Variants in GXYLT1 observed in about 807,000 individuals in gnomAD.
GXYLT1 encodes glucoside xylosyltransferase 1, also known as glycosyltransferase 8 domain containing 3.
GXYLT1 carries 29 observed loss-of-function variants against 54.0 expected under a neutral mutation model. That is an observed-to-expected ratio of 0.54 (90% CI 0.40 to 0.73). GXYLT1 has a LOEUF of 0.73. Among genes scored for constraint, GXYLT1 ranks in the 30% least tolerant of loss-of-function variants. The probability of loss-of-function intolerance (pLI) is 0.00; values close to 1 mark genes in which losing one functional copy is unlikely to be tolerated. For missense variants in GXYLT1, 490 were observed against 553.4 expected, an observed-to-expected ratio of 0.89 and a Z score of 1.15; for synonymous variants, 176 against 204.1, an observed-to-expected ratio of 0.86 and a Z score of 1.17.
rs1015858340 is a variant in GXYLT1, at chr12:42,121,736, G to A, written c.315-2565C>T. Among the ~76,000 whole-genome samples the A allele has an allele frequency of 7.9e-5, 12 of 151,746 alleles. No homozygotes were observed. In the East Asian group the frequency reaches 2.3e-3, roughly 29 times the overall value. The stretch of plus-strand genomic sequence containing the variant: ...CAGCAAGGATTGTTTTGGTCACACT[G>A]CCAGCACTCCTTTCACCAATTTCTA... On this transcript the variant is annotated intron_variant, in intron 2 of 7. Transcript: ENST00000398675.
intron 1 of GXYLT1, 60 bp from the exon 2 acceptor site, chr12:42,129,911 G>A (rs2136915523): frequency 2.0e-6 from 2 of 1,014,074 alleles, no homozygotes; most frequent in East Asian, 2.4e-5. Context: ...GAACTAACAA[G>A]GAATTTACTC....
chr12:42,123,952 GAA>G (rs770173569), intron 2 of GXYLT1, among the ~76,000 whole-genome samples: 6 of 115,736 alleles, frequency 5.2e-5, no homozygotes, highest in South Asian at 2.6e-4. Flanking sequence ...CTAAAAGAAA[GAA>G]AAAAAAAAAA....
chr12:42,111,527 C>T (rs1261630731), intron 3 of GXYLT1, among the ~76,000 whole-genome samples: 1 of 152,220 alleles, frequency 6.6e-6, no homozygotes, highest in Non-Finnish European at 1.5e-5. Flanking sequence ...GAGTCTGGCT[C>T]ACTGCTAGCA....
At chr12:42,141,817 A>T (rs2065653814) in intron 1 of GXYLT1, among the ~76,000 whole-genome samples, 1 of 152,166 alleles carries the variant, frequency 6.6e-6, no homozygotes, top group Non-Finnish European at 1.5e-5. Context: ...TGACTACAAG[A>T]CCCATGTATT....
chr12:42,112,367 C>T (rs1298718864), intron 3 of GXYLT1, among the ~76,000 whole-genome samples: 1 of 151,948 alleles, frequency 6.6e-6, no homozygotes, highest in East Asian at 1.9e-4. Context: ...AAATTCGAAC[C>T]AATGGCAAAG....
chr12:42,098,758 A>AATATATATATATATATATATATAT (rs1565567111), intron 5 of GXYLT1, among the ~76,000 whole-genome samples: 2 of 17,774 alleles, frequency 1.1e-4, no homozygotes, highest in East Asian at 3.4e-3. Context: ...TTAAATTTAA[A>AATATATATATATATATATATATAT]ACATATATAT....
At chr12:42,128,211 ATTATGT>A (rs1173434204) in intron 2 of GXYLT1, among the ~76,000 whole-genome samples, 1 of 152,180 alleles carries the variant, frequency 6.6e-6, no homozygotes, top group Non-Finnish European at 1.5e-5. Context: ...TCTACAGATA[ATTATGT>A]TTATTTCAAA....
chr12:42,109,653 C>T lies in GXYLT1; in HGVS notation c.525G>A (p.Thr175=), dbSNP rs372970805. ...NWSFLQTFNY[T]LYPITFPSEN... Reference sequence around the variant, plus strand: ...CACTTGGAAAGGTTATGGGGTATAACGTATAATTAAATGTTTGTAGAAATG... The same window carrying T: ...CACTTGGAAAGGTTATGGGGTATAATGTATAATTAAATGTTTGTAGAAATG... Residue 175 remains threonine (T), a synonymous_variant, in exon 4 of 8, where the codon ACG becomes ACA. Coordinates refer to ENST00000398675, the MANE Select transcript of GXYLT1 (RefSeq NM_173601.2). 22 of 1,566,820 alleles carry T rather than the reference C, an allele frequency of 1.4e-5. No individual in the cohort carries two copies. The highest frequency in any genetic ancestry group is 2.3e-5 in the South Asian group (2 of 85,140).
chr12:42,103,782 T>C (rs2065403529), intron 5 of GXYLT1, among the ~76,000 whole-genome samples: 1 of 152,092 alleles, frequency 6.6e-6, no homozygotes, highest in African/African-American at 2.4e-5. Flanking sequence ...GTGTTTTTTT[T>C]CACAGTCATT....
At chr12:42,095,729 T>C (rs2065352023) in intron 7 of GXYLT1, among the ~76,000 whole-genome samples, 1 of 152,074 alleles carries the variant, frequency 6.6e-6, no homozygotes, top group African/African-American at 2.4e-5. Flanking sequence ...TATCAAAAAA[T>C]GCAATTATAT....
intron 1 of GXYLT1, among the ~76,000 whole-genome samples, chr12:42,133,448 T>G (rs1349140936): frequency 6.6e-6 from 1 of 152,172 alleles, no homozygotes; most frequent in African/African-American, 2.4e-5. Flanking sequence ...TCTTTGAACC[T>G]GATCTTCACG....
At chr12:42,129,668 A>G in intron 2 of GXYLT1, 91 bp downstream of exon 2, 1 of 767,510 alleles carries the variant, frequency 1.3e-6, no homozygotes, top group Non-Finnish European at 2.2e-6. Context: ...TAATATCATA[A>G]GAAACATTCT....
chr12:42,095,916 A>T (rs949340442), intron 7 of GXYLT1, among the ~76,000 whole-genome samples: 1 of 152,190 alleles, frequency 6.6e-6, no homozygotes, highest in Admixed American at 6.5e-5. Flanking sequence ...GGAGAGGAAG[A>T]GGAAGGACTG....
chr12:42,129,062 G>T (rs774806076), intron 2 of GXYLT1, among the ~76,000 whole-genome samples: 2 of 152,114 alleles, frequency 1.3e-5, no homozygotes, highest in African/African-American at 2.4e-5. Context: ...TCAAACCTTT[G>T]CCCCACTCTC....
chr12:42,134,737 C>T (rs1199176035), intron 1 of GXYLT1, among the ~76,000 whole-genome samples: 1 of 152,242 alleles, frequency 6.6e-6, no homozygotes, highest in Non-Finnish European at 1.5e-5. Flanking sequence ...TGTTCATTCA[C>T]ATTCTCAGAT....
chr12:42,138,593 G>T (rs1374100155), intron 1 of GXYLT1, among the ~76,000 whole-genome samples: 2 of 152,078 alleles, frequency 1.3e-5, no homozygotes, highest in African/African-American at 4.8e-5. Context: ...AGGTAAACAC[G>T]ATAAAGTAAA....
At chr12:42,134,215 A>AG (rs1411942526) in intron 1 of GXYLT1, among the ~76,000 whole-genome samples, 1 of 152,062 alleles carries the variant, frequency 6.6e-6, no homozygotes, top group Non-Finnish European at 1.5e-5. Context: ...AAGAAAAAAA[A>AG]AGAGAGAGAG....
chr12:42,114,393 A>G (rs1009735666), intron 3 of GXYLT1, among the ~76,000 whole-genome samples: 1 of 152,186 alleles, frequency 6.6e-6, no homozygotes, highest in African/African-American at 2.4e-5. Flanking sequence ...CAAGACTAAC[A>G]AAGAAGAAAA....
intron 1 of GXYLT1, among the ~76,000 whole-genome samples, chr12:42,142,774 T>A (rs2065659029): frequency 6.6e-6 from 1 of 152,194 alleles, no homozygotes; most frequent in South Asian, 2.1e-4. Flanking sequence ...CAATCCAACT[T>A]TTCCACGTTG....
Sources: allele counts gnomAD v4.1 joint callset (sites outside exome capture counted in the v4.1 genomes callset), GRCh38; gene constraint gnomAD v4.1.1; transcripts MANE v1.5; gene names NCBI Gene and HGNC (gene_info 2026-07-23, HGNC 2026-07-21).